The following RAB7A variants were observed in gnomAD, a reference collection of about 807,000 sequenced individuals.
The protein encoded by RAB7A is RAB7A, member RAS oncogene family, also known as ras-related protein Rab-7a.
RAB7A carries 2 observed loss-of-function variants against 24.5 expected under a neutral mutation model. The ratio of observed to expected loss-of-function variants is 0.08; its 90% CI spans 0.03 to 0.26. The LOEUF (loss-of-function observed/expected upper bound fraction) is 0.26, where lower values mean the gene tolerates loss of function less well. RAB7A is among the 10% of genes least tolerant of loss of function. The pLI is 1.00. For missense variants in RAB7A, 118 were observed against 255.7 expected, an observed-to-expected ratio of 0.46 and a Z score of 3.67; for synonymous variants, 100 against 95.9, an observed-to-expected ratio of 1.04 and a Z score of -0.25.
At chr3:128,782,325 A>G (rs746178781) in intron 1 of RAB7A, among the ~76,000 whole-genome samples, 1 of 152,114 alleles carries the variant, frequency 6.6e-6, no homozygotes, top group Non-Finnish European at 1.5e-5. Flanking sequence ...CTGAATGGAG[A>G]AACACTGCAC....
intron 1 of RAB7A, among the ~76,000 whole-genome samples, chr3:128,739,526 AG>A (rs1045466671): frequency 2.6e-5 from 4 of 151,932 alleles, no homozygotes; most frequent in African/African-American, 9.7e-5. Context: ...AAAAAAAAAA[AG>A]TCTTAAAGTG....
chr3:128,791,670 G>C (rs1218796149), intron 1 of RAB7A, among the ~76,000 whole-genome samples: 1 of 152,170 alleles, frequency 6.6e-6, no homozygotes, highest in Non-Finnish European at 1.5e-5. Flanking sequence ...ATGGATAAGT[G>C]ATGGGCCACC....
chr3:128,763,759 C>CTA (rs2070797889), intron 1 of RAB7A, among the ~76,000 whole-genome samples: 2 of 151,944 alleles, frequency 1.3e-5, no homozygotes, highest in African/African-American at 4.8e-5. Context: ...TATGGTATCA[C>CTA]TGGTGATGTT....
At chr3:128,811,675 C>T (rs1057069963) in intron 5 of RAB7A, among the ~76,000 whole-genome samples, 4 of 151,922 alleles carry the variant, frequency 2.6e-5, no homozygotes, top group Non-Finnish European at 4.4e-5. Flanking sequence ...CATAGCAAGG[C>T]CTCATCTCTA....
chr3:128,735,005 C>T (rs1032580198), intron 1 of RAB7A, among the ~76,000 whole-genome samples: 3 of 152,202 alleles, frequency 2.0e-5, no homozygotes, highest in East Asian at 1.9e-4. Flanking sequence ...GTAAGTTATG[C>T]TTCTGGGTCA....
chr3:128,763,203 TATA>T, intron 1 of RAB7A, among the ~76,000 whole-genome samples: 1 of 113,174 alleles, frequency 8.8e-6, no homozygotes, highest in African/African-American at 4.1e-5. Context: ...TATATATATA[TATA>T]TATTTTTTTT....
At chr3:128,773,522 C>T (rs1933007818) in intron 1 of RAB7A, among the ~76,000 whole-genome samples, 1 of 146,892 alleles carries the variant, frequency 6.8e-6, no homozygotes, top group African/African-American at 2.4e-5. Flanking sequence ...TGGGGGGCAC[C>T]TCTGCCCGGC....
chr3:128,738,206 T>G (rs1576268812), intron 1 of RAB7A, among the ~76,000 whole-genome samples: 1 of 151,998 alleles, frequency 6.6e-6, no homozygotes, highest in South Asian at 2.1e-4. Context: ...TTAATTTTGT[T>G]TTTTTGATAG....
At chr3:128,778,094 A>G (rs1033155906) in intron 1 of RAB7A, among the ~76,000 whole-genome samples, 1 of 152,164 alleles carries the variant, frequency 6.6e-6, no homozygotes, top group Non-Finnish European at 1.5e-5. Flanking sequence ...TAAGGGCTAT[A>G]AATTGAGTCT....
At chr3:128,788,046 C>T (rs1214133665) in intron 1 of RAB7A, among the ~76,000 whole-genome samples, 1 of 152,230 alleles carries the variant, frequency 6.6e-6, no homozygotes, top group African/African-American at 2.4e-5. Context: ...TTTGGATTAG[C>T]TTGATGAAGC....
At chr3:128,728,273 A>G (rs1349453074) in intron 1 of RAB7A, among the ~76,000 whole-genome samples, 1 of 152,224 alleles carries the variant, frequency 6.6e-6, no homozygotes, top group Non-Finnish European at 1.5e-5. Flanking sequence ...CTGGTGAATC[A>G]GTAGTAACCC....
intron 1 of RAB7A, among the ~76,000 whole-genome samples, chr3:128,761,551 G>C (rs149860107): frequency 6.6e-6 from 1 of 152,240 alleles, no homozygotes; most frequent in East Asian, 1.9e-4. Context: ...ATGAATCTGT[G>C]TTAAGATCAC....
intron 1 of RAB7A, among the ~76,000 whole-genome samples, chr3:128,736,902 A>G (rs766005522): frequency 1.3e-4 from 20 of 152,122 alleles, no homozygotes; most frequent in African/African-American, 1.7e-4. Flanking sequence ...TGTAATAGCT[A>G]TTGGGGGAAA....
intron 1 of RAB7A, among the ~76,000 whole-genome samples, chr3:128,791,240 C>A (rs1933446685): frequency 6.6e-6 from 1 of 152,022 alleles, no homozygotes; most frequent in Non-Finnish European, 1.5e-5. Flanking sequence ...CTCCTGAGTT[C>A]AAGCGATTCT....
chr3:128,804,017 A>G (rs2107614730), intron 3 of RAB7A, among the ~76,000 whole-genome samples: 1 of 152,280 alleles, frequency 6.6e-6, no homozygotes, highest in African/African-American at 2.4e-5. Flanking sequence ...CCCTTACTCA[A>G]GCTGTAGCTT....
intron 1 of RAB7A, among the ~76,000 whole-genome samples, chr3:128,792,554 G>C (rs756666135): frequency 6.7e-6 from 1 of 149,710 alleles, no homozygotes; most frequent in Non-Finnish European, 1.5e-5. Flanking sequence ...CTACAGGTGC[G>C]CACCACCACA....
intron 1 of RAB7A, among the ~76,000 whole-genome samples, chr3:128,739,387 C>T (rs1174411026): frequency 6.6e-6 from 1 of 152,000 alleles, no homozygotes; most frequent in Non-Finnish European, 1.5e-5. Context: ...GTGGTGCGCT[C>T]CTGTAATCCC....
chr3:128,803,319 T>C (rs1386404049), intron 3 of RAB7A, among the ~76,000 whole-genome samples: 2 of 152,084 alleles, frequency 1.3e-5, no homozygotes, highest in African/African-American at 2.4e-5. Flanking sequence ...AACATGTAAA[T>C]AACAAGATTC....
intron 4 of RAB7A, 147 bp from the exon 5 acceptor site, chr3:128,807,396 A>G (rs1375793829): frequency 4.3e-6 from 5 of 1,173,594 alleles, no homozygotes; most frequent in Middle Eastern, 2.8e-4. Context: ...ACGGGTCTGC[A>G]GGTCTCCTCC....
Sources: gnomAD v4.1 joint callset for allele counts (sites outside exome capture counted in the v4.1 genomes callset) on GRCh38, gnomAD v4.1.1 for gene constraint, MANE v1.5 for transcripts, NCBI Gene and HGNC (gene_info 2026-07-23, HGNC 2026-07-21) for gene names.